Variants in ZNF215 observed in about 807,000 individuals in gnomAD.
ZNF215 encodes zinc finger protein 215, also known as BWSCR2-associated zinc finger protein 2.
Under a neutral mutation model 27.2 loss-of-function variants are expected in ZNF215, and 24 were observed. That is an observed-to-expected ratio of 0.88 (90% CI 0.64 to 1.24). The LOEUF is 1.24. Ranked by LOEUF, ZNF215 falls within the 50% of genes most tolerant of loss-of-function variation. ZNF215 has a pLI of 0.00. For synonymous variants in ZNF215, 210 were observed against 204.0 expected (o/e 1.03, Z -0.25); for missense variants, 675 against 605.7 (o/e 1.11, Z -1.20).
Position 6,952,343 on chromosome 11 carries a change from C to G in ZNF215, c.713-3347C>G, listed in dbSNP as rs1850106250. 4.6e-5 allele frequency among the ~76,000 whole-genome samples: 7 copies of G among 152,256 alleles called. No individual in the cohort carries two copies. In the South Asian group the frequency reaches 1.2e-3, roughly 27 times the overall value. On this transcript the variant is annotated intron_variant, in intron 6 of 6. Transcript: ENST00000278319. Reference sequence around the variant, plus strand: ...AATGTTGACAGTAGGGTGTTGAAGTCTCCCATTATTATTGTGTGGGAGTCT... The same window carrying G: ...AATGTTGACAGTAGGGTGTTGAAGTGTCCCATTATTATTGTGTGGGAGTCT...
At chr11:6,937,700 A>T (rs1849485974) in intron 3 of ZNF215, among the ~76,000 whole-genome samples, 2 of 151,948 alleles carry the variant, frequency 1.3e-5, no homozygotes, top group Admixed American at 1.3e-4. Flanking sequence ...AAACTCATAC[A>T]TCTATGTCCA....
intron 3 of ZNF215, 80 bp from the exon 4 acceptor site, chr11:6,941,491 C>CG (rs1849629303): frequency 8.2e-7 from 1 of 1,214,884 alleles, no homozygotes; most frequent in Non-Finnish European, 1.2e-6. Context: ...CTGTGAATAT[C>CG]ATATTAAAAC....
At chr11:6,972,696 A>C (rs1305549170) in intron 5 of ZNF215, among the ~76,000 whole-genome samples, 2 of 152,204 alleles carry the variant, frequency 1.3e-5, no homozygotes, top group Non-Finnish European at 2.9e-5. Flanking sequence ...GAAAGCAGAA[A>C]TCTTCCCTGG....
chr11:6,973,256 A>G (rs1368673814), intron 5 of ZNF215, among the ~76,000 whole-genome samples: 4 of 152,170 alleles, frequency 2.6e-5, no homozygotes, highest in Non-Finnish European at 5.9e-5. Context: ...ATAGTATTCC[A>G]TGGTGTATAT....
chr11:6,990,620 A>C (rs553725169), downstream of ZNF215, among the ~76,000 whole-genome samples: 1 of 152,366 alleles, frequency 6.6e-6, no homozygotes, highest in Non-Finnish European at 1.5e-5. Context: ...TTTAAAGGAA[A>C]ATTAATGTTC....
chr11:6,938,602 TA>T (rs11418506), intron 3 of ZNF215, among the ~76,000 whole-genome samples: 18 of 150,122 alleles, frequency 1.2e-4, no homozygotes, highest in Non-Finnish European at 1.5e-4. Context: ...TGATACATGT[TA>T]AAAAAAAAAT....
At chr11:6,994,083 T>G (rs1851150626) in intron 6 of ZNF215, among the ~76,000 whole-genome samples, 1 of 152,082 alleles carries the variant, frequency 6.6e-6, no homozygotes, top group Non-Finnish European at 1.5e-5. Context: ...GTGATGTACC[T>G]TAGGAAAAAA....
intron 6 of ZNF215, among the ~76,000 whole-genome samples, chr11:6,952,552 G>A (rs1276826781): frequency 6.6e-6 from 1 of 151,942 alleles, no homozygotes; most frequent in Non-Finnish European, 1.5e-5. Context: ...GACTAGGATT[G>A]CAACCCCTAC....
At chr11:6,944,951 G>C (rs1224901309) in intron 6 of ZNF215, among the ~76,000 whole-genome samples, 2 of 151,960 alleles carry the variant, frequency 1.3e-5, no homozygotes, top group Non-Finnish European at 2.9e-5. Flanking sequence ...CCCCTCCACT[G>C]TTGGACATTT....
chr11:6,958,056 C>T (rs1850436580), downstream of ZNF215: 1 of 985,214 alleles, frequency 1.0e-6, no homozygotes, highest in Non-Finnish European at 1.2e-6. Context: ...TATGTTTGTT[C>T]ATCCTTTATA....
At chr11:6,953,103 C>A (rs371940564) in intron 6 of ZNF215, among the ~76,000 whole-genome samples, 580 of 151,828 alleles carry the variant, frequency 3.8e-3, no homozygotes, top group Non-Finnish European at 5.1e-3. Flanking sequence ...CCAAGAGATC[C>A]GCTGTTAGTC....
In ZNF215 at chr11:6,957,874, G is replaced by T; in HGVS notation, c.*1343G>T. The T allele has an allele frequency of 1.0e-6, 1 of 985,280 alleles. No individual in the cohort carries two copies. Among genetic ancestry groups the T allele is most frequent in the Non-Finnish European group, 1.2e-6 (1 of 829,912 alleles). The allele number at this position is 985,280 out of a possible 1,614,324, so 61.0% of individuals were successfully genotyped here. A position where few individuals can be genotyped will look rare whatever the true frequency, so the allele number is the denominator to read the frequency against. On this transcript the variant is annotated 3_prime_UTR_variant, in exon 7 of 7. Coordinates refer to ENST00000278319, the MANE Select transcript of ZNF215 (RefSeq NM_013250.4). ...CTGTGTCTTCTGTAAACTACCTCAG[G>T]ATCCCATCTGGTTCTTGAGCCAAGA...
At chr11:6,969,345 C>T (rs1176319895) in intron 5 of ZNF215, among the ~76,000 whole-genome samples, 1 of 152,080 alleles carries the variant, frequency 6.6e-6, no homozygotes, top group Non-Finnish European at 1.5e-5. Flanking sequence ...ATTTGAGCTA[C>T]TCCTTGTGGA....
At chr11:6,989,362 G>A (rs1851094736), downstream of ZNF215, among the ~76,000 whole-genome samples, 1 of 151,960 alleles carries the variant, frequency 6.6e-6, no homozygotes, top group South Asian at 2.1e-4. Flanking sequence ...ATGGGTTCTG[G>A]AGCAAGGACA....
At chr11:6,966,662 T>A (rs533862735) in intron 5 of ZNF215, among the ~76,000 whole-genome samples, 2 of 152,222 alleles carry the variant, frequency 1.3e-5, no homozygotes, top group South Asian at 4.2e-4. Flanking sequence ...TATCTCTTAG[T>A]CTGGCTACTG....
chr11:6,987,146 C>T (rs1434091604), downstream of ZNF215, among the ~76,000 whole-genome samples: 3 of 151,892 alleles, frequency 2.0e-5, no homozygotes, highest in Admixed American at 6.6e-5. Context: ...TGGTGGATTG[C>T]GTAAAGAAAA....
At chr11:6,963,907 T>C (rs896066625) in intron 5 of ZNF215, among the ~76,000 whole-genome samples, 1 of 152,110 alleles carries the variant, frequency 6.6e-6, no homozygotes, top group Non-Finnish European at 1.5e-5. Flanking sequence ...AATTATGTTA[T>C]AGCTTGGAAT....
intron 5 of ZNF215, among the ~76,000 whole-genome samples, chr11:6,964,961 G>A (rs1475411749): frequency 2.0e-5 from 3 of 151,996 alleles, no homozygotes; most frequent in Non-Finnish European, 4.4e-5. Flanking sequence ...AGTTTTACAT[G>A]CATTACATCA....
At chr11:6,942,648 A>T (rs1208462266) in intron 4 of ZNF215, among the ~76,000 whole-genome samples, 1 of 152,164 alleles carries the variant, frequency 6.6e-6, no homozygotes, top group Non-Finnish European at 1.5e-5. Flanking sequence ...AGCATTTCTT[A>T]ATTAAAGAAA....
Sources: allele counts gnomAD v4.1 joint callset (sites outside exome capture counted in the v4.1 genomes callset), GRCh38; gene constraint gnomAD v4.1.1; transcripts MANE v1.5; gene names NCBI Gene and HGNC (gene_info 2026-07-23, HGNC 2026-07-21).